The following CHCHD3 variants were observed in gnomAD, a reference collection of about 807,000 sequenced individuals.
CHCHD3 encodes MICOS complex subunit MIC19.
In CHCHD3, 20 loss-of-function variants were observed where a neutral mutation model predicts 38.2. The ratio of observed to expected loss-of-function variants is 0.52; its 90% CI spans 0.37 to 0.76. CHCHD3 has a LOEUF of 0.76. Ranked by LOEUF, CHCHD3 falls within the 30% of genes least tolerant of loss-of-function variation. The pLI is 0.00. For synonymous variants in CHCHD3, 82 were observed against 100.0 expected, an observed-to-expected ratio of 0.82 and a Z score of 1.07; for missense variants, 245 against 279.2, an observed-to-expected ratio of 0.88 and a Z score of 0.87.
intron 4 of CHCHD3, among the ~76,000 whole-genome samples, chr7:132,950,900 A>G (rs752101682): frequency 3.9e-5 from 6 of 152,182 alleles, no homozygotes; most frequent in Non-Finnish European, 8.8e-5. Flanking sequence ...AATTATTTTG[A>G]AAAGAAACCA....
At chr7:132,806,763 A>T (rs1322047556) in intron 6 of CHCHD3, among the ~76,000 whole-genome samples, 1 of 152,148 alleles carries the variant, frequency 6.6e-6, no homozygotes, top group Non-Finnish European at 1.5e-5. Context: ...CATCAAGGAC[A>T]CATTCTGCAA....
At chr7:132,805,636 G>T (rs956813360) in intron 6 of CHCHD3, among the ~76,000 whole-genome samples, 1 of 152,118 alleles carries the variant, frequency 6.6e-6, no homozygotes, top group African/African-American at 2.4e-5. Context: ...AAGTTATAAA[G>T]GTACCATCTT....
chr7:133,024,008 G>C (rs949288071), intron 3 of CHCHD3, among the ~76,000 whole-genome samples: 1 of 152,076 alleles, frequency 6.6e-6, no homozygotes. Flanking sequence ...AAAAAATCTC[G>C]AGCAATAAAA....
At chr7:133,010,489 T>C (rs192591964) in intron 3 of CHCHD3, among the ~76,000 whole-genome samples, 2 of 152,340 alleles carry the variant, frequency 1.3e-5, no homozygotes, top group Admixed American at 1.3e-4. Context: ...TTTTAATGTA[T>C]TTAGCCACAA....
At chr7:132,807,311 T>C (rs908409783) in intron 6 of CHCHD3, among the ~76,000 whole-genome samples, 6 of 152,136 alleles carry the variant, frequency 3.9e-5, no homozygotes, top group Admixed American at 6.5e-5. Context: ...GGCTGTACTT[T>C]CCACTACAGC....
intron 5 of CHCHD3, among the ~76,000 whole-genome samples, chr7:132,850,550 C>A (rs1808196025): frequency 6.6e-6 from 1 of 151,630 alleles, no homozygotes; most frequent in Admixed American, 6.6e-5. Flanking sequence ...GTTACATTAC[C>A]TCATGCCTCA....
chr7:132,988,048 C>T (rs543611700), intron 3 of CHCHD3, among the ~76,000 whole-genome samples: 2 of 152,280 alleles, frequency 1.3e-5, no homozygotes, highest in South Asian at 4.1e-4. Flanking sequence ...TGTTAATCTA[C>T]TCTGCTATTG....
chr7:132,826,007 T>C lies in CHCHD3; in HGVS notation c.524+12392A>G, dbSNP rs1807499066. 3.3e-5 allele frequency among the ~76,000 whole-genome samples: 5 copies of C among 152,212 alleles called. No individual in the cohort carries two copies. In the South Asian group the frequency reaches 1.0e-3, roughly 32 times the overall value. ...ATAATTGGCAATTCATTTTTCATCC[T>C]GAAAGCAGGAACAGGTGTATGCTAC... On this transcript the variant is annotated intron_variant, in intron 6 of 7. Coordinates refer to ENST00000262570, the MANE Select transcript of CHCHD3 (RefSeq NM_017812.4).
chr7:132,983,723 G>A (rs1811982216), intron 3 of CHCHD3, among the ~76,000 whole-genome samples: 1 of 152,066 alleles, frequency 6.6e-6, no homozygotes, highest in African/African-American at 2.4e-5. Flanking sequence ...GAGAAGCAGA[G>A]AAAAGTCATG....
chr7:133,013,622 G>T (rs1029786356), intron 3 of CHCHD3, among the ~76,000 whole-genome samples: 3 of 152,098 alleles, frequency 2.0e-5, no homozygotes, highest in Non-Finnish European at 4.4e-5. Context: ...TTTATTATCA[G>T]ATAGACGGTC....
chr7:132,872,489 G>C (rs1808789991), intron 5 of CHCHD3, among the ~76,000 whole-genome samples: 1 of 152,170 alleles, frequency 6.6e-6, no homozygotes, highest in South Asian at 2.1e-4. Context: ...TACAGGGCCA[G>C]CTTCTTTTCT....
At chr7:133,008,637 AC>A (rs1384759826) in intron 3 of CHCHD3, among the ~76,000 whole-genome samples, 1 of 152,150 alleles carries the variant, frequency 6.6e-6, no homozygotes, top group Non-Finnish European at 1.5e-5. Flanking sequence ...TTAAATGACC[AC>A]CGTAATAAAG....
At chr7:133,072,010 T>C (rs1257850896) in intron 1 of CHCHD3, among the ~76,000 whole-genome samples, 1 of 152,012 alleles carries the variant, frequency 6.6e-6, no homozygotes, top group Non-Finnish European at 1.5e-5. Context: ...AAAATTGCAT[T>C]GTAGTGATGT....
At chr7:132,795,787 T>C (rs1309919310) in intron 7 of CHCHD3, among the ~76,000 whole-genome samples, 1 of 152,216 alleles carries the variant, frequency 6.6e-6, no homozygotes, top group East Asian at 1.9e-4. Context: ...CTGCCAGAAT[T>C]GATAATTTGC....
chr7:132,924,053 T>G (rs572748009), intron 4 of CHCHD3, among the ~76,000 whole-genome samples: 3 of 152,016 alleles, frequency 2.0e-5, no homozygotes, highest in Non-Finnish European at 4.4e-5. Flanking sequence ...AATCTTGGAG[T>G]AGCCATTCAA....
At chr7:132,838,778 C>T (rs192397328) in intron 5 of CHCHD3, among the ~76,000 whole-genome samples, 1 of 152,318 alleles carries the variant, frequency 6.6e-6, no homozygotes, top group East Asian at 1.9e-4. Flanking sequence ...TATTTGGAAT[C>T]TACCCTTGTA....
At chr7:132,948,034 C>T (rs1304911887) in intron 4 of CHCHD3, among the ~76,000 whole-genome samples, 2 of 152,000 alleles carry the variant, frequency 1.3e-5, no homozygotes, top group Non-Finnish European at 2.9e-5. Context: ...AAATAATATA[C>T]AAAACTTGCA....
intron 4 of CHCHD3, among the ~76,000 whole-genome samples, chr7:132,961,156 C>T (rs1811307214): frequency 6.6e-6 from 1 of 152,026 alleles, no homozygotes; most frequent in Non-Finnish European, 1.5e-5. Flanking sequence ...GTAGTACACA[C>T]CTGTAATCCC....
intron 2 of CHCHD3, among the ~76,000 whole-genome samples, chr7:133,053,803 T>C (rs1276761288): frequency 6.6e-6 from 1 of 152,262 alleles, no homozygotes; most frequent in Non-Finnish European, 1.5e-5. Flanking sequence ...TCAAGATTTC[T>C]TGTGGTTAAC....
Sources: allele counts gnomAD v4.1 joint callset (sites outside exome capture counted in the v4.1 genomes callset), GRCh38; gene constraint gnomAD v4.1.1; transcripts MANE v1.5; gene names NCBI Gene and HGNC (gene_info 2026-07-23, HGNC 2026-07-21).